Variants in SLC24A4 observed in about 807,000 individuals in gnomAD.
SLC24A4 encodes solute carrier family 24 member 4, also known as sodium/potassium/calcium exchanger 4.
SLC24A4 carries 53 observed loss-of-function variants against 79.0 expected under a neutral mutation model. The ratio of observed to expected loss-of-function variants is 0.67; its 90% confidence interval spans 0.54 to 0.84. The LOEUF is 0.84. Among genes scored for constraint, SLC24A4 ranks in the 40% least tolerant of loss-of-function variants. The probability of loss-of-function intolerance (pLI) is 0.00; values close to 1 mark genes in which losing one functional copy is unlikely to be tolerated. For synonymous variants in SLC24A4, 323 were observed against 323.8 expected (o/e 1.00, Z 0.03); for missense variants, 731 against 822.0 (o/e 0.89, Z 1.35).
intron 2 of SLC24A4, among the ~76,000 whole-genome samples, chr14:92,426,555 G>T (rs1215480485): frequency 1.3e-5 from 2 of 152,080 alleles, no homozygotes; most frequent in South Asian, 2.1e-4. Context: ...CTTTTTCATG[G>T]CACTGAATCT....
intron 2 of SLC24A4, among the ~76,000 whole-genome samples, chr14:92,395,432 AACACACACAC>A (rs60360408): frequency 8.9e-4 from 129 of 144,916 alleles, no homozygotes; most frequent in Middle Eastern, 3.4e-3. Context: ...AACAAAACAA[AACACACACAC>A]ACACACACAC....
chr14:92,324,181 G>A (rs1022585718), intron 1 of SLC24A4, among the ~76,000 whole-genome samples: 3 of 152,214 alleles, frequency 2.0e-5, no homozygotes, highest in African/African-American at 4.8e-5. Context: ...CCCCTGGGGG[G>A]GCTCAGGACG....
chr14:92,492,498 C>T (rs1234725724), intron 16 of SLC24A4, among the ~76,000 whole-genome samples: 5 of 152,186 alleles, frequency 3.3e-5, no homozygotes, highest in Admixed American at 3.3e-4. Context: ...CTGCCTGGTC[C>T]AGTTCCTCTC....
chr14:92,375,916 T>TA lies in SLC24A4; in HGVS notation c.241+49947dup, dbSNP rs1246980799. Among the ~76,000 whole-genome samples the TA allele has an allele frequency of 1.1e-4, 16 of 151,318 alleles. No individual in the cohort carries two copies. In the East Asian group the frequency reaches 1.2e-3, roughly 11 times the overall value. ...GTTCTTCCCAAAGGTGGTGTGTGCT[T>TA]AAAAAAAAATGGTGCTGCTGGTTGC... On this transcript the variant is annotated intron_variant, in intron 2 of 16. Transcript: ENST00000532405.
rs943574704 is a variant in SLC24A4 at position 92,498,607 on chromosome 14, C to G, written c.*4979C>G. The G allele has an allele frequency of 6.6e-6, 1 of 151,776 alleles. No individual in the cohort carries two copies. Among genetic ancestry groups the G allele is most frequent in the African/African-American group, 2.4e-5 (1 of 41,236 alleles). The allele number at this position is 151,776 out of a possible 1,614,324, so 9.4% of individuals were successfully genotyped here. ...CCACCTCCTGGGTTCAAGTGATTCT[C>G]CCACCTCAGCCTCTCTGGTAGCTGG... On this transcript the variant is annotated 3_prime_UTR_variant, in exon 17 of 17. Transcript: ENST00000532405.
chr14:92,403,253 G>T (rs1403291371), intron 2 of SLC24A4, among the ~76,000 whole-genome samples: 1 of 152,100 alleles, frequency 6.6e-6, no homozygotes, highest in African/African-American at 2.4e-5. Flanking sequence ...CTACCTTCTT[G>T]GCCATGATAC....
intron 2 of SLC24A4, among the ~76,000 whole-genome samples, chr14:92,407,079 G>A (rs1161347257): frequency 1.3e-5 from 2 of 152,132 alleles, no homozygotes; most frequent in East Asian, 1.9e-4. Flanking sequence ...TTTGCTCTTA[G>A]GACTTTCTTT....
intron 2 of SLC24A4, among the ~76,000 whole-genome samples, chr14:92,426,562 A>T (rs1030120158): frequency 6.6e-6 from 1 of 152,118 alleles, no homozygotes; most frequent in African/African-American, 2.4e-5. Context: ...ATGGCACTGA[A>T]TCTCTTTTGG....
At chr14:92,327,590 T>A (rs570458004) in intron 2 of SLC24A4, among the ~76,000 whole-genome samples, 1 of 152,104 alleles carries the variant, frequency 6.6e-6, no homozygotes, top group South Asian at 2.1e-4. Flanking sequence ...TTCAGGAATG[T>A]TTGGGTGGTT....
chr14:92,373,470 C>T (rs1484638919), intron 2 of SLC24A4, among the ~76,000 whole-genome samples: 2 of 152,210 alleles, frequency 1.3e-5, no homozygotes, highest in Non-Finnish European at 2.9e-5. Flanking sequence ...GTCTGACCCC[C>T]TCCTTGTGAT....
chr14:92,370,536 T>C (rs1888093139), intron 2 of SLC24A4, among the ~76,000 whole-genome samples: 1 of 152,154 alleles, frequency 6.6e-6, no homozygotes, highest in African/African-American at 2.4e-5. Flanking sequence ...TTGAGAAACA[T>C]TATTTAAAAA....
chr14:92,469,929 G>A lies in SLC24A4; in HGVS notation c.1256-12751G>A, dbSNP rs150889345. On this transcript the variant is annotated intron_variant, in intron 12 of 16. Coordinates refer to ENST00000532405, the MANE Select transcript of SLC24A4 (RefSeq NM_153646.4). ...GAGGAAATGAGGAATGGGAATGACC[G>A]CTAATGGCTAGGGGTTTCCACTGGG... 4.3e-4 allele frequency among the ~76,000 whole-genome samples: 65 copies of A among 152,316 alleles called. 1 individual carries two copies. In the East Asian group the frequency reaches 0.011, roughly 26 times the overall value.
At chr14:92,428,034 C>T (rs149875929) in intron 2 of SLC24A4, among the ~76,000 whole-genome samples, 10 of 152,312 alleles carry the variant, frequency 6.6e-5, no homozygotes, top group Middle Eastern at 3.4e-3. Context: ...CTTGGACCCT[C>T]CGGCCTCCAG....
At chr14:92,351,774 G>C (rs1886891992) in intron 2 of SLC24A4, among the ~76,000 whole-genome samples, 1 of 152,120 alleles carries the variant, frequency 6.6e-6, no homozygotes, top group Non-Finnish European at 1.5e-5. Context: ...TGAGGCATGA[G>C]AATTGCTTTA....
In SLC24A4 at chr14:92,447,389, C is replaced by T. The variant is rs1466725527; in HGVS notation, c.702C>T (p.Leu234=). 3.7e-6 allele frequency: 6 copies of T among 1,614,008 alleles called. No homozygotes were observed. The highest frequency in any genetic ancestry group is 5.1e-6 in the Non-Finnish European group (6 of 1,180,028). The change falls in exon 9 of 17, where the codon CTC becomes CTT. Residue 234 remains leucine, a synonymous_variant. Coordinates refer to ENST00000532405, the MANE Select transcript of SLC24A4 (RefSeq NM_153646.4). ...CTTTGAGGTGGGAAGGCCTGGTGCT[C>T]ATCATCTTGTATGTGTTTTATATTC... The part of the protein sequence containing the change: ...EQIVWWEGLV[L]IILYVFYILI...
In SLC24A4 at chr14:92,353,567, C is replaced by G. The variant is rs1887004347; in HGVS notation, c.241+27589C>G. On this transcript the variant is annotated intron_variant, in intron 2 of 16. Coordinates refer to ENST00000532405, the MANE Select transcript of SLC24A4 (RefSeq NM_153646.4). This position sits in a 1 kb window ranked among gnomAD's most constrained non-coding sequence, Gnocchi z 4.1. ...GGTTCTCCCCACCCCATGGTGTTATCAGACCTGTTGAGTTTGCCAATCTGG... is the reference window on the plus strand; with the variant it reads ...GGTTCTCCCCACCCCATGGTGTTATGAGACCTGTTGAGTTTGCCAATCTGG... Among the ~76,000 whole-genome samples the G allele has an allele frequency of 6.6e-6, 1 of 152,200 alleles. No homozygotes were observed. The highest frequency in any genetic ancestry group is 6.5e-5 in the Admixed American group (1 of 15,284).
intron 2 of SLC24A4, among the ~76,000 whole-genome samples, chr14:92,370,119 T>C (rs56051674): frequency 0.02 from 3,077 of 152,292 alleles, 48 homozygotes; most frequent in Non-Finnish European, 0.032. Context: ...AATAAGTTGA[T>C]ACTAAAAAAT....
intron 2 of SLC24A4, among the ~76,000 whole-genome samples, chr14:92,359,878 A>G (rs1430923523): frequency 1.3e-5 from 2 of 152,210 alleles, no homozygotes; most frequent in Non-Finnish European, 2.9e-5. Context: ...AAAACTCTTT[A>G]TGTAAATGGA....
intron 10 of SLC24A4, chr14:92,451,937 T>C (rs4410008): frequency 0.49 from 74,572 of 152,172 alleles, 19,089 homozygotes; most frequent in African/African-American, 0.64. Flanking sequence ...TGTGCTGTCA[T>C]TGAGTTCTTT....
Sources: gnomAD v4.1 joint callset for allele counts (sites outside exome capture counted in the v4.1 genomes callset) on GRCh38, gnomAD v4.1.1 for gene constraint, Gnocchi (gnomAD v3.1) non-coding constraint, MANE v1.5 for transcripts, NCBI Gene and HGNC (gene_info 2026-07-23, HGNC 2026-07-21) for gene names.